Variants in BACE1 observed in about 807,000 individuals in gnomAD.
The protein encoded by BACE1 is beta-secretase 1.
A neutral mutation model predicts 54.0 loss-of-function variants in BACE1; 21 were observed. That is an observed-to-expected ratio of 0.39 (90% CI 0.28 to 0.56). The LOEUF (loss-of-function observed/expected upper bound fraction) is 0.56, where lower values mean the gene tolerates loss of function less well. BACE1 is among the 20% of genes least tolerant of loss of function. The pLI is 0.63. For missense variants in BACE1, 511 were observed against 661.2 expected (o/e 0.77, Z 2.49); for synonymous variants, 232 against 260.9 (o/e 0.89, Z 1.07).
chr11:117,306,670 G>C (rs1420299318), intron 1 of BACE1, among the ~76,000 whole-genome samples: 1 of 152,104 alleles, frequency 6.6e-6, no homozygotes, highest in Non-Finnish European at 1.5e-5. Flanking sequence ...AATTAGCCGG[G>C]TGTGGTTGTG....
rs2034356332 is a variant in BACE1, at chr11:117,289,634, A to G, written c.1438T>C (p.Trp480Arg). ...MLPLCLMVCQ[W>R]RCLRCLRQQH... Reference sequence around the variant, plus strand: ...TGGCGCAGGCAGCGGAGGCAGCGCCACTGACACACCATGAGGCAGAGTGGC... The same window carrying G: ...TGGCGCAGGCAGCGGAGGCAGCGCCGCTGACACACCATGAGGCAGAGTGGC... The change falls in exon 9 of 9, where the codon TGG becomes CGG. Residue 480 changes from tryptophan to arginine, a missense_variant. This residue lies in a region of BACE1 where 407 missense variants were observed against 565.7 expected (regional missense o/e 0.72). Coordinates refer to ENST00000313005, the MANE Select transcript of BACE1 (RefSeq NM_012104.6). The G allele has an allele frequency of 6.2e-7, 1 of 1,614,226 alleles. No individual in the cohort carries two copies. The highest frequency in any genetic ancestry group is 1.1e-5 in the South Asian group (1 of 91,086).
At chr11:117,297,136 CTGGGGTCCTGTGGTGCT>C in intron 1 of BACE1, 175 bp from the exon 2 acceptor site, 2 of 577,996 alleles carry the variant, frequency 3.5e-6, no homozygotes, top group Non-Finnish European at 6.1e-6. Flanking sequence ...CAGACAGGAC[CTGGGGTCCTGTGGTGCT>C]GCAGGGGCCA....
In BACE1 at chr11:117,315,593, C is replaced by T. The variant is rs761020739; in HGVS notation, c.203G>A (p.Arg68Lys). ...GSFVEMVDNLRGKSGQGYYVE... is the reference protein window; with the variant it reads ...GSFVEMVDNLKGKSGQGYYVE... The stretch of plus-strand genomic sequence containing the variant: ...GTAGTAGCCCTGCCCCGACTTGCCC[C>T]TCAGGTTGTCCACCATCTCCACAAA... The change falls in exon 1 of 9, where the codon AGG becomes AAG. Residue 68 changes from arginine to lysine, a missense_variant. Arg to Lys is a conservative substitution (Grantham distance 26, BLOSUM62 2). Coordinates refer to ENST00000313005, the MANE Select transcript of BACE1 (RefSeq NM_012104.6). The surrounding 1 kb of genome is among the most constrained non-coding windows in gnomAD (Gnocchi z 5.5). 1.6e-5 allele frequency: 26 copies of T among 1,590,394 alleles called. No homozygotes were observed. Among genetic ancestry groups the T allele is most frequent in the Non-Finnish European group, 1.7e-6 (2 of 1,170,024 alleles).
intron 1 of BACE1, 192 bp from the exon 2 acceptor site, chr11:117,297,153 T>C (rs907979081): frequency 1.6e-5 from 9 of 546,350 alleles, no homozygotes; most frequent in Middle Eastern, 8.5e-4. Context: ...CCTGTGGTGC[T>C]GCAGGGGCCA....
At chr11:117,290,439 G>C in intron 8 of BACE1, 49 bp downstream of exon 8, 5 of 1,591,420 alleles carry the variant, frequency 3.1e-6, no homozygotes, top group Non-Finnish European at 4.3e-6. Flanking sequence ...TGTTTGACAA[G>C]GAAAATATGG....
At chr11:117,298,963 G>A (rs918887124) in intron 1 of BACE1, among the ~76,000 whole-genome samples, 4 of 152,096 alleles carry the variant, frequency 2.6e-5, no homozygotes, top group Non-Finnish European at 4.4e-5. Context: ...GCGCTACCAC[G>A]CAGGGCTAAT....
At chr11:117,310,257 G>A (rs2034917700) in intron 1 of BACE1, among the ~76,000 whole-genome samples, 1 of 151,952 alleles carries the variant, frequency 6.6e-6, no homozygotes, top group Non-Finnish European at 1.5e-5. Flanking sequence ...CTACAGTTCT[G>A]CATTTACAAC....
Position 117,293,162 on chromosome 11 carries a change from C to T in BACE1, c.732G>A (p.Leu244=), listed in dbSNP as rs762994264. The change falls in exon 5 of 9, where the codon CTG becomes CTA. Residue 244 remains leucine, a synonymous_variant. Transcript: ENST00000313005. This position sits in a 1 kb window ranked among gnomAD's most constrained non-coding sequence, Gnocchi z 4.1. ...SMIIGGIDHS[L]YTGSLWYTPI... ...GTGTATACCAGAGACTGCCTGTGTACAGCGAGTGGTCGATACCTCCAATGA... is the reference window on the plus strand; with the variant it reads ...GTGTATACCAGAGACTGCCTGTGTATAGCGAGTGGTCGATACCTCCAATGA... 27 of 1,613,920 alleles carry T rather than the reference C, an allele frequency of 1.7e-5. No individual in the cohort carries two copies. In the Admixed American group the frequency reaches 1.8e-4, roughly 11 times the overall value.
Position 117,311,829 on chromosome 11 carries a change from C to T in BACE1, c.261+3706G>A, listed in dbSNP as rs995771027. On this transcript the variant is annotated intron_variant, in intron 1 of 8. Transcript: ENST00000313005. ...CTAATTTTTGTATTTTTAGTAGAGA[C>T]GGGGTTTCACCATATTGGCCAGGTT... Among the ~76,000 whole-genome samples the T allele has an allele frequency of 4.6e-5, 7 of 151,942 alleles. 1 individual carries two copies. The highest frequency in any genetic ancestry group is 4.2e-4 in the South Asian group (2 of 4,816).
intron 1 of BACE1, among the ~76,000 whole-genome samples, chr11:117,305,819 A>G (rs902462489): frequency 1.3e-5 from 2 of 151,906 alleles, no homozygotes; most frequent in Non-Finnish European, 2.9e-5. Flanking sequence ...ACGGATCACA[A>G]AGTCAGGAGA....
intron 1 of BACE1, among the ~76,000 whole-genome samples, chr11:117,306,504 C>T (rs577988279): frequency 1.3e-5 from 2 of 152,166 alleles, no homozygotes; most frequent in East Asian, 3.9e-4. Flanking sequence ...CTCCACAGGC[C>T]TTGGAAAAGA....
chr11:117,293,274 TC>T lies in BACE1; in HGVS notation c.706-87del. ...GGACCAAGCAATAAGATCAGTGATT[TC>T]TTGGGGTGGCAAGGTCTTCTACAGG... On this transcript the variant is annotated intron_variant, in intron 4 of 8. Coordinates refer to ENST00000313005, the MANE Select transcript of BACE1 (RefSeq NM_012104.6). The surrounding 1 kb of genome is among the most constrained non-coding windows in gnomAD (Gnocchi z 4.1). 6.8e-7 allele frequency: 1 copy of T among 1,470,038 alleles called. No individual in the cohort carries two copies. The highest frequency in any genetic ancestry group is 9.2e-7 in the Non-Finnish European group (1 of 1,084,628). The allele number at this position is 1,470,038 out of a possible 1,614,324, so 91.1% of individuals were successfully genotyped here.
At chr11:117,299,749 T>G in intron 1 of BACE1, 1 of 324,712 alleles carries the variant, frequency 3.1e-6, no homozygotes, top group South Asian at 2.4e-5. Flanking sequence ...GCAGTTCAGA[T>G]GAAATCAACC....
chr11:117,296,764 A>G (rs2034610546), intron 2 of BACE1, 109 bp downstream of exon 2: 1 of 888,840 alleles, frequency 1.1e-6, no homozygotes, highest in Non-Finnish European at 1.7e-6. Context: ...CTTCCCTGGC[A>G]AGAAGAAAAT....
rs1240937577 is a variant in BACE1, at chr11:117,315,946, C to T, written c.-151G>A. The stretch of plus-strand genomic sequence containing the variant: ...AGGGCCTGCAGGGCCCTGGGCCAGC[C>T]CCCGGGTCCGGGCTGTGGAGAGCGG... On this transcript the variant is annotated 5_prime_UTR_variant, in exon 1 of 9. Coordinates refer to ENST00000313005, the MANE Select transcript of BACE1 (RefSeq NM_012104.6). This position sits in a 1 kb window ranked among gnomAD's most constrained non-coding sequence, Gnocchi z 5.5. The T allele has an allele frequency of 1.1e-6, 1 of 874,438 alleles. No individual in the cohort carries two copies. Among genetic ancestry groups the T allele is most frequent in the Admixed American group, 4.2e-5 (1 of 23,582 alleles). The allele number at this position is 874,438 out of a possible 1,614,324, so 54.2% of individuals were successfully genotyped here.
rs2034342342 is a variant in BACE1 at position 117,289,169 on chromosome 11, C to G, written c.*397G>C. 1 of 217,154 alleles carries G rather than the reference C, an allele frequency of 4.6e-6. No individual in the cohort carries two copies. The highest frequency in any genetic ancestry group is 9.4e-6 in the Non-Finnish European group (1 of 106,002). The allele number at this position is 217,154 out of a possible 1,614,324, so 13.5% of individuals were successfully genotyped here. On this transcript the variant is annotated 3_prime_UTR_variant, in exon 9 of 9. Transcript: ENST00000313005. ...CTTGGTCTCTTCTCTGCCAGGGTAC[C>G]ACAGGGACACACGCCAAGGTAACCT... is the stretch of plus-strand genomic sequence containing the variant.
In BACE1 at chr11:117,315,426, C is replaced by T; in HGVS notation, c.261+109G>A. The T allele has an allele frequency of 1.4e-6, 2 of 1,423,464 alleles. No homozygotes were observed. Among genetic ancestry groups the T allele is most frequent in the Non-Finnish European group, 1.9e-6 (2 of 1,074,140 alleles). 88.2% of individuals were successfully genotyped at this position (1,423,464 alleles called of 1,614,324 possible). A position where few individuals can be genotyped will look rare whatever the true frequency, so the allele number is the denominator to read the frequency against. ...GGGAATGGCTGGGGAGGGGTCCCTC[C>T]TGCTGTCCCCACCAGCCCATTTGAG... On this transcript the variant is annotated intron_variant, in intron 1 of 8. Transcript: ENST00000313005. The surrounding 1 kb of genome is among the most constrained non-coding windows in gnomAD (Gnocchi z 5.5).
chr11:117,296,494 T>C lies in BACE1; in HGVS notation c.350+379A>G, dbSNP rs185288306. Among the ~76,000 whole-genome samples, 92 of 152,236 alleles carry C rather than the reference T, an allele frequency of 6.0e-4. 1 individual carries two copies. The highest frequency in any genetic ancestry group is 5.9e-5 in the Non-Finnish European group (4 of 67,998). Reference sequence around the variant, plus strand: ...TCACTGAGGCCTGTTCAGCTTAGACTTAGCTGGTGTTAGAGAACTGAGAGA... The same window carrying C: ...TCACTGAGGCCTGTTCAGCTTAGACCTAGCTGGTGTTAGAGAACTGAGAGA... On this transcript the variant is annotated intron_variant, in intron 2 of 8. Coordinates refer to ENST00000313005, the MANE Select transcript of BACE1 (RefSeq NM_012104.6).
At chr11:117,300,873 A>T (rs2034709724) in intron 1 of BACE1, among the ~76,000 whole-genome samples, 1 of 152,152 alleles carries the variant, frequency 6.6e-6, no homozygotes. Context: ...CATTAAAACA[A>T]AAACAAAACA....
Sources: allele counts gnomAD v4.1 joint callset (sites outside exome capture counted in the v4.1 genomes callset), GRCh38; gene constraint gnomAD v4.1.1; regional missense constraint gnomAD v4.1.1; non-coding constraint Gnocchi (gnomAD v3.1); transcripts MANE v1.5; gene names NCBI Gene and HGNC (gene_info 2026-07-23, HGNC 2026-07-21).